KPNB1: variants seen among roughly 807,000 people sequenced by gnomAD.
The protein encoded by KPNB1 is importin subunit beta-1.
A neutral mutation model predicts 113.0 loss-of-function variants in KPNB1; 7 were observed. The ratio of observed to expected loss-of-function variants is 0.06; its 90% CI spans 0.04 to 0.12. KPNB1 has a LOEUF of 0.12. Ranked by LOEUF, KPNB1 falls within the 10% of genes least tolerant of loss-of-function variation. The pLI, the probability that KPNB1 is intolerant of heterozygous loss-of-function variation, is 1.00. For synonymous variants in KPNB1, 363 were observed against 378.6 expected, an observed-to-expected ratio of 0.96 and a Z score of 0.48; for missense variants, 400 against 1,054.8, an observed-to-expected ratio of 0.38 and a Z score of 8.60.
In KPNB1 at chr17:47,665,083, G is replaced by A. The variant is rs745783913; in HGVS notation, c.924G>A (p.Glu308=). ...CAGCAGAACAAGGACGGCCCCCTGA[G>A]CACACCAGCAAGTTTTATGCGAAGG... ...SEAAEQGRPP[E]HTSKFYAKGA... The change falls in exon 9 of 22, where the codon GAG becomes GAA. Residue 308 remains glutamate, a synonymous_variant. Transcript: ENST00000290158. The A allele has an allele frequency of 3.7e-6, 6 of 1,614,176 alleles. No individual in the cohort carries two copies. Among genetic ancestry groups the A allele is most frequent in the Non-Finnish European group, 1.7e-6 (2 of 1,180,030 alleles).
At chr17:47,672,895 C>G (rs1285119002) in intron 12 of KPNB1, 123 bp from the exon 13 acceptor site, 1 of 808,980 alleles carries the variant, frequency 1.2e-6, no homozygotes, top group Non-Finnish European at 1.8e-6. Context: ...ATTGTGTTTT[C>G]AAACTCAAAC....
intron 19 of KPNB1, among the ~76,000 whole-genome samples, chr17:47,679,290 G>C (rs1442750759): frequency 1.3e-5 from 2 of 152,048 alleles, no homozygotes; most frequent in Admixed American, 1.3e-4. Context: ...AAATGTTGGG[G>C]GGAAGAAACC....
In KPNB1 at chr17:47,683,749, TACAC is replaced by T. The variant is rs1489182330; in HGVS notation, c.*1354_*1357del. ...CAAAAAAAAGTGTGTGTTGTGTGAATACACACACACACTAACTAGAAGTCTTGTG... is the reference window on the plus strand; with the variant it reads ...CAAAAAAAAGTGTGTGTTGTGTGAATACACACACTAACTAGAAGTCTTGTG... On this transcript the variant is annotated 3_prime_UTR_variant, in exon 22 of 22. Coordinates refer to ENST00000290158, the MANE Select transcript of KPNB1 (RefSeq NM_002265.6). The T allele has an allele frequency of 2.0e-5, 3 of 152,102 alleles. No individual in the cohort carries two copies. Among genetic ancestry groups the T allele is most frequent in the Non-Finnish European group, 2.9e-5 (2 of 67,924 alleles). 9.4% of individuals were successfully genotyped at this position (152,102 alleles called of 1,614,324 possible). A position where few individuals can be genotyped will look rare whatever the true frequency, so the allele number is the denominator to read the frequency against.
At chr17:47,661,222 A>G (rs1449455742) in intron 6 of KPNB1, 44 bp downstream of exon 6, 23 of 1,396,848 alleles carry the variant, frequency 1.6e-5, no homozygotes, top group Non-Finnish European at 2.1e-5. Flanking sequence ...CATCTTTCTT[A>G]GGAAATGTCA....
At chr17:47,675,462 A>G (rs1408051365) in intron 15 of KPNB1, among the ~76,000 whole-genome samples, 3 of 135,682 alleles carry the variant, frequency 2.2e-5, no homozygotes, top group Non-Finnish European at 4.6e-5. Context: ...CACAGCCTCC[A>G]CCTCCCAGGT....
Position 47,655,113 on chromosome 17 carries a change from G to A in KPNB1, c.283-1747G>A, listed in dbSNP as rs1435671558. ...TGATCCGACCCAGTCAGCAGAGCTG[G>A]CCTGAATATCTGGCAGCTATTCTTT... is the stretch of plus-strand genomic sequence containing the variant. On this transcript the variant is annotated intron_variant, in intron 3 of 21. Transcript: ENST00000290158. 3.3e-5 allele frequency among the ~76,000 whole-genome samples: 5 copies of A among 152,300 alleles called. No individual in the cohort carries two copies. In the East Asian group the frequency reaches 9.6e-4, roughly 29 times the overall value.
At chr17:47,651,622 A>G (rs780628460) in intron 2 of KPNB1, among the ~76,000 whole-genome samples, 12 of 152,136 alleles carry the variant, frequency 7.9e-5, no homozygotes, top group Non-Finnish European at 1.5e-4. Context: ...TGCTTTTGCA[A>G]ATTTTGCAAA....
intron 3 of KPNB1, among the ~76,000 whole-genome samples, chr17:47,655,920 G>A (rs1316628127): frequency 2.0e-5 from 3 of 152,130 alleles, no homozygotes; most frequent in African/African-American, 7.2e-5. Flanking sequence ...ACTGAGGCTG[G>A]TTTTTTCTGA....
At chr17:47,660,792 A>C (rs1482409571) in intron 5 of KPNB1, among the ~76,000 whole-genome samples, 1 of 152,148 alleles carries the variant, frequency 6.6e-6, no homozygotes, top group Non-Finnish European at 1.5e-5. Flanking sequence ...CCTACATGTA[A>C]ATTTTTATCT....
At chr17:47,658,797 C>T (rs1009607461) in intron 5 of KPNB1, 137 bp downstream of exon 5, 9 of 701,572 alleles carry the variant, frequency 1.3e-5, no homozygotes, top group Middle Eastern at 4.0e-4. Context: ...CCAGTTTAGT[C>T]GAGTTCGTAT....
intron 21 of KPNB1, among the ~76,000 whole-genome samples, chr17:47,681,287 T>C (rs1238065698): frequency 1.3e-5 from 2 of 150,882 alleles, no homozygotes; most frequent in Non-Finnish European, 3.0e-5. Flanking sequence ...TTTTTTCTTT[T>C]GGAGACAGTC....
At position 47,679,977 on chromosome 17, in the gene KPNB1, A is replaced by G. The variant is rs199792110; in HGVS notation, c.2354-43A>G. On this transcript the variant is annotated intron_variant, in intron 19 of 21. Coordinates refer to ENST00000290158, the MANE Select transcript of KPNB1 (RefSeq NM_002265.6). ...CTCCTAAAGTGCTGGGTTTACAGGCATGAGCCACCGCACCCGACCAATACC... is the reference window on the plus strand; with the variant it reads ...CTCCTAAAGTGCTGGGTTTACAGGCGTGAGCCACCGCACCCGACCAATACC... 400 of 1,335,678 alleles carry G rather than the reference A, an allele frequency of 3.0e-4. 2 individuals carry two copies. In the African/African-American group the frequency reaches 3.8e-3, roughly 13 times the overall value. 82.7% of individuals were successfully genotyped at this position (1,335,678 alleles called of 1,614,324 possible).
At chr17:47,654,897 T>C (rs1430715061) in intron 3 of KPNB1, among the ~76,000 whole-genome samples, 1 of 152,172 alleles carries the variant, frequency 6.6e-6, no homozygotes. Context: ...TTCCCTCGTG[T>C]CTTTGACATA....
chr17:47,658,442 C>T, intron 4 of KPNB1, 66 bp from the exon 5 acceptor site: 1 of 1,522,318 alleles, frequency 6.6e-7, no homozygotes. Flanking sequence ...TTTGAATCCA[C>T]AGATGTGGAA....
intron 19 of KPNB1, chr17:47,679,762 TCTCGGCTCACTGCAAG>T: frequency 3.3e-6 from 1 of 304,078 alleles, no homozygotes; most frequent in Non-Finnish European, 6.3e-6. Context: ...AGTGGCGCAA[TCTCGGCTCACTGCAAG>T]CTCCGCCTCC....
In KPNB1 at chr17:47,680,610, A is replaced by G. The variant is rs981509945; in HGVS notation, c.2571A>G (p.Lys857=). The G allele has an allele frequency of 1.9e-6, 3 of 1,614,106 alleles. No individual in the cohort carries two copies. Among genetic ancestry groups the G allele is most frequent in the African/African-American group, 1.3e-5 (1 of 74,938 alleles). ...AAGGGCGGAGATCGAAGACTAACAA[A>G]GCAAAAACCCTTGCTACATGGGCAA... ...LTEGRRSKTN[K]AKTLATWATK... The change falls in exon 21 of 22, where the codon AAA becomes AAG. Residue 857 remains lysine (K), a synonymous_variant. Transcript: ENST00000290158.
chr17:47,661,610 A>G (rs2030099195), intron 6 of KPNB1, among the ~76,000 whole-genome samples: 1 of 152,086 alleles, frequency 6.6e-6, no homozygotes. Flanking sequence ...ATTAATAAAA[A>G]CATTAGAGAA....
At chr17:47,674,994 A>G (rs919513185) in intron 15 of KPNB1, among the ~76,000 whole-genome samples, 1 of 151,976 alleles carries the variant, frequency 6.6e-6, no homozygotes, top group African/African-American at 2.4e-5. Flanking sequence ...TAATTTTTAT[A>G]TTTTTGGTAG....
chr17:47,659,535 T>C (rs1043730788), intron 5 of KPNB1, among the ~76,000 whole-genome samples: 13 of 151,984 alleles, frequency 8.6e-5, no homozygotes. Flanking sequence ...AGAGGATCAC[T>C]TGAAGCCAGG....
Sources: gnomAD v4.1 joint callset for allele counts (sites outside exome capture counted in the v4.1 genomes callset) on GRCh38, gnomAD v4.1.1 for gene constraint, MANE v1.5 for transcripts, NCBI Gene and HGNC (gene_info 2026-07-23, HGNC 2026-07-21) for gene names.